Variants in BMPR1B observed in about 807,000 individuals in gnomAD.
The protein encoded by BMPR1B is bone morphogenetic protein receptor type 1B.
A neutral mutation model predicts 59.1 loss-of-function variants in BMPR1B; 12 were observed. The observed-to-expected ratio is 0.20, with a 90% confidence interval of 0.13 to 0.33. The LOEUF (loss-of-function observed/expected upper bound fraction) is 0.33, where lower values mean the gene tolerates loss of function less well. Ranked by LOEUF, BMPR1B falls within the 10% of genes least tolerant of loss-of-function variation. BMPR1B has a pLI of 1.00. For synonymous variants in BMPR1B, 237 were observed against 207.3 expected (o/e 1.14, Z -1.23); for missense variants, 550 against 610.9 (o/e 0.90, Z 1.05).
intron 3 of BMPR1B, among the ~76,000 whole-genome samples, chr4:95,042,759 G>A (rs911651388): frequency 1.6e-4 from 24 of 152,220 alleles, no homozygotes; most frequent in Non-Finnish European, 2.5e-4. Context: ...AACTACACTC[G>A]CCTTGCCTGA....
intron 8 of BMPR1B, among the ~76,000 whole-genome samples, chr4:95,126,921 C>T (rs1367583779): frequency 6.6e-6 from 1 of 151,964 alleles, no homozygotes; most frequent in African/African-American, 2.4e-5. Flanking sequence ...ATACTTGGAC[C>T]TTGTGTTTAA....
intron 2 of BMPR1B, among the ~76,000 whole-genome samples, chr4:94,887,540 C>T (rs1727231090): frequency 6.6e-6 from 1 of 150,766 alleles, no homozygotes; most frequent in South Asian, 2.1e-4. Context: ...ATAGAAAAAG[C>T]AGGGAGAGAT....
chr4:95,026,290 C>G (rs1724414712), intron 3 of BMPR1B, among the ~76,000 whole-genome samples: 2 of 151,704 alleles, frequency 1.3e-5, no homozygotes, highest in Admixed American at 1.3e-4. Context: ...GAAATTTAAC[C>G]TCAAATTATA....
At position 95,127,724 on chromosome 4, in the gene BMPR1B, C is replaced by T. The variant is rs143898142; in HGVS notation, c.586-2138C>T. 2.8e-3 allele frequency among the ~76,000 whole-genome samples: 421 copies of T among 152,196 alleles called. 2 individuals carry two copies. Among genetic ancestry groups the T allele is most frequent in the African/African-American group, 8.8e-3 (366 of 41,518 alleles). On this transcript the variant is annotated intron_variant, in intron 8 of 12. Coordinates refer to ENST00000515059, the MANE Select transcript of BMPR1B (RefSeq NM_001203.3). ...GCGCACAGGGCTCCTAAAGAGAGGA[C>T]GGCTGCATTACACATAAACTTGCTT...
At chr4:95,077,226 C>T (rs971637830) in intron 3 of BMPR1B, among the ~76,000 whole-genome samples, 4 of 152,014 alleles carry the variant, frequency 2.6e-5, no homozygotes, top group East Asian at 3.9e-4. Context: ...GTACATACAC[C>T]GGCTGATGGT....
chr4:95,028,566 G>A (rs964309529), intron 3 of BMPR1B, among the ~76,000 whole-genome samples: 5 of 152,026 alleles, frequency 3.3e-5, no homozygotes, highest in Non-Finnish European at 7.4e-5. Context: ...TAGAAAAGAG[G>A]CAAAATTACC....
rs1036207540 is a variant in BMPR1B at position 95,157,423 on chromosome 4, A to T, written c.*2750A>T. The T allele has an allele frequency of 9.9e-5, 15 of 152,008 alleles. No homozygotes were observed. The highest frequency in any genetic ancestry group is 3.4e-4 in the African/African-American group (14 of 41,426). 9.4% of individuals were successfully genotyped at this position (152,008 alleles called of 1,614,324 possible). A position where few individuals can be genotyped will look rare whatever the true frequency, so the allele number is the denominator to read the frequency against. On this transcript the variant is annotated 3_prime_UTR_variant, in exon 13 of 13. Transcript: ENST00000515059. Reference sequence around the variant, plus strand: ...TTCTAGTGGCTCAGAAGTGAATTTTATTTTATTTGTCTTTCACTTGAATAA... The same window carrying T: ...TTCTAGTGGCTCAGAAGTGAATTTTTTTTTATTTGTCTTTCACTTGAATAA...
chr4:94,830,647 T>A (rs1724549122), intron 1 of BMPR1B, among the ~76,000 whole-genome samples: 1 of 152,194 alleles, frequency 6.6e-6, no homozygotes, highest in Admixed American at 6.5e-5. Flanking sequence ...AAAATAATCA[T>A]GTATTACTTT....
intron 4 of BMPR1B, among the ~76,000 whole-genome samples, chr4:95,105,337 C>G (rs751028924): frequency 4.6e-5 from 7 of 152,000 alleles, no homozygotes; most frequent in Non-Finnish European, 8.8e-5. Flanking sequence ...GTCAGAGAAG[C>G]AGAGTGTGCC....
intron 2 of BMPR1B, among the ~76,000 whole-genome samples, chr4:94,947,047 G>A (rs566031076): frequency 2.6e-5 from 4 of 152,082 alleles, no homozygotes; most frequent in Admixed American, 1.3e-4. Flanking sequence ...GTGAGACCCC[G>A]TCTCAAAACA....
At chr4:94,831,233 T>TAAAAAAA (rs34088781) in intron 1 of BMPR1B, among the ~76,000 whole-genome samples, 5 of 88,546 alleles carry the variant, frequency 5.6e-5, no homozygotes, top group African/African-American at 1.1e-4. Flanking sequence ...GTTTAAAAAG[T>TAAAAAAA]AAAAAAAAAA....
intron 3 of BMPR1B, among the ~76,000 whole-genome samples, chr4:95,072,143 A>G (rs867031723): frequency 1.3e-4 from 20 of 152,290 alleles, no homozygotes; most frequent in Middle Eastern, 6.8e-3. Flanking sequence ...ATGTCCTAGT[A>G]TGAAGGCAGT....
At chr4:95,091,260 TTTTTC>T (rs961034809) in intron 3 of BMPR1B, among the ~76,000 whole-genome samples, 3 of 152,070 alleles carry the variant, frequency 2.0e-5, no homozygotes, top group South Asian at 2.1e-4. Context: ...TTTCTTTCTT[TTTTTC>T]TTTTCTTTTT....
At chr4:95,001,332 T>A (rs1172594566) in intron 3 of BMPR1B, among the ~76,000 whole-genome samples, 1 of 145,500 alleles carries the variant, frequency 6.9e-6, no homozygotes, top group Admixed American at 7.2e-5. Flanking sequence ...CTCCTTTGCA[T>A]TATTTCTTAA....
At chr4:95,091,576 C>T (rs916752011) in intron 3 of BMPR1B, 6 of 985,230 alleles carry the variant, frequency 6.1e-6, no homozygotes, top group Non-Finnish European at 7.2e-6. Flanking sequence ...CTCCTCATGT[C>T]TCTCATCCTA....
At chr4:94,970,308 C>CTCTTCTT in intron 2 of BMPR1B, among the ~76,000 whole-genome samples, 1 of 131,382 alleles carries the variant, frequency 7.6e-6, no homozygotes, top group Non-Finnish European at 1.6e-5. Context: ...TCTCTTCTTT[C>CTCTTCTT]TCTCTCTCTT....
chr4:94,971,831 A>G (rs1384183294), intron 2 of BMPR1B, among the ~76,000 whole-genome samples: 2 of 152,004 alleles, frequency 1.3e-5, no homozygotes, highest in Non-Finnish European at 2.9e-5. Flanking sequence ...TTAAACTAAT[A>G]TAGGTAGTTT....
At chr4:94,779,936 A>G (rs1431016003) in intron 1 of BMPR1B, among the ~76,000 whole-genome samples, 3 of 152,070 alleles carry the variant, frequency 2.0e-5, no homozygotes, top group South Asian at 4.1e-4. Context: ...ATTATTCTGT[A>G]TCTTTGAGAT....
rs35973133 is a variant in BMPR1B at position 95,129,947 on chromosome 4, G to A, written c.671G>A (p.Arg224His). The A allele has an allele frequency of 7.1e-4, 1,150 of 1,613,942 alleles. 4 individuals carry two copies. The highest frequency in any genetic ancestry group is 7.8e-4 in the Non-Finnish European group (924 of 1,179,892). Residue 224 changes from arginine to histidine, a missense_variant, in exon 9 of 13, where the codon CGT becomes CAT. Around this residue, in one of 6 missense-constraint regions of BMPR1B, gnomAD observed 318 missense variants for 284.6 expected, o/e 1.12. Coordinates refer to ENST00000515059, the MANE Select transcript of BMPR1B (RefSeq NM_001203.3). ...RYGEVWMGKW[R>H]GEKVAVKVFF... is the part of the protein sequence containing the mutation. ...GGGGAAGTTTGGATGGGAAAGTGGC[G>A]TGGCGAAAAGGTAGCTGTGAAAGTG...
Sources: allele counts gnomAD v4.1 joint callset (sites outside exome capture counted in the v4.1 genomes callset), GRCh38; gene constraint gnomAD v4.1.1; regional missense constraint gnomAD v4.1.1; transcripts MANE v1.5; gene names NCBI Gene and HGNC (gene_info 2026-07-23, HGNC 2026-07-21).